The following ADAMTS6 variants were observed in gnomAD, a reference collection of about 807,000 sequenced individuals.
ADAMTS6 encodes the protein ADAM metallopeptidase with thrombospondin type 1 motif 6, also known as A disintegrin and metalloproteinase with thrombospondin motifs 6.
ADAMTS6 carries 23 observed loss-of-function variants against 144.3 expected under a neutral mutation model. That is an observed-to-expected ratio of 0.16 (90% CI 0.11 to 0.23). ADAMTS6 has a LOEUF of 0.23. ADAMTS6 is among the 10% of genes least tolerant of loss of function. The pLI is 1.00. For synonymous variants in ADAMTS6, 444 were observed against 457.5 expected (o/e 0.97, Z 0.38); for missense variants, 999 against 1,379.6 (o/e 0.72, Z 4.37).
chr5:65,186,375 T>A (rs1256883797), intron 22 of ADAMTS6, among the ~76,000 whole-genome samples: 3 of 152,234 alleles, frequency 2.0e-5, no homozygotes, highest in African/African-American at 7.2e-5. Flanking sequence ...GTTTCATGGG[T>A]ATTTTTCATT....
At chr5:65,380,473 G>T (rs1051135317) in intron 7 of ADAMTS6, among the ~76,000 whole-genome samples, 3 of 152,064 alleles carry the variant, frequency 2.0e-5, no homozygotes, top group African/African-American at 7.2e-5. Context: ...CTACTTGGGA[G>T]GCTGAGGCAG....
intron 7 of ADAMTS6, among the ~76,000 whole-genome samples, chr5:65,352,282 C>A (rs1748927381): frequency 6.6e-6 from 1 of 151,408 alleles, no homozygotes; most frequent in African/African-American, 2.4e-5. Context: ...AGAGTCCGTT[C>A]TTTAAATCAG....
At chr5:65,432,941 T>C (rs1267732654) in intron 7 of ADAMTS6, among the ~76,000 whole-genome samples, 1 of 152,162 alleles carries the variant, frequency 6.6e-6, no homozygotes, top group Non-Finnish European at 1.5e-5. Flanking sequence ...AATCAATTAA[T>C]GAATTTCTAC....
chr5:65,173,431 T>C (rs1468404907), intron 22 of ADAMTS6, among the ~76,000 whole-genome samples: 1 of 152,202 alleles, frequency 6.6e-6, no homozygotes, highest in East Asian at 1.9e-4. Flanking sequence ...GTGAAGCAAG[T>C]TCAGGGTTGA....
chr5:65,321,976 A>G (rs1426938761), intron 9 of ADAMTS6, among the ~76,000 whole-genome samples: 1 of 151,866 alleles, frequency 6.6e-6, no homozygotes, highest in African/African-American at 2.4e-5. Context: ...TCAGCCTCCC[A>G]AAGTGTTGGG....
At chr5:65,229,543 G>A (rs900483898) in intron 15 of ADAMTS6, among the ~76,000 whole-genome samples, 1 of 152,060 alleles carries the variant, frequency 6.6e-6, no homozygotes, top group African/African-American at 2.4e-5. Flanking sequence ...AGAGAACACA[G>A]ACAACTTAAT....
chr5:65,473,928 T>A lies in ADAMTS6; in HGVS notation c.-255A>T, dbSNP rs1760655789. ...TAAGCAAAGCATTAGGCTGATTAGT[T>A]ACTAAAGTATGGCCATTTTTTAACC... is the stretch of plus-strand genomic sequence containing the variant. On this transcript the variant is annotated 5_prime_UTR_variant, in exon 2 of 25. Coordinates refer to ENST00000381055, the MANE Select transcript of ADAMTS6 (RefSeq NM_197941.4). 2.2e-6 allele frequency: 1 copy of A among 445,222 alleles called. No individual in the cohort carries two copies. Among genetic ancestry groups the A allele is most frequent in the South Asian group, 6.8e-5 (1 of 14,720 alleles). The allele number at this position is 445,222 out of a possible 1,614,324, so 27.6% of individuals were successfully genotyped here. A position where few individuals can be genotyped will look rare whatever the true frequency, so the allele number is the denominator to read the frequency against.
chr5:65,396,876 G>A (rs1401518249), intron 7 of ADAMTS6, among the ~76,000 whole-genome samples: 1 of 152,202 alleles, frequency 6.6e-6, no homozygotes, highest in Admixed American at 6.5e-5. Flanking sequence ...AAAGCATTCT[G>A]TCTGCTTCTA....
intron 7 of ADAMTS6, among the ~76,000 whole-genome samples, chr5:65,410,891 G>C (rs1754992387): frequency 6.6e-6 from 1 of 152,190 alleles, no homozygotes; most frequent in Non-Finnish European, 1.5e-5. Flanking sequence ...AGGCTAGAGG[G>C]CAGTGGTGCA....
At chr5:65,400,229 G>A (rs1239079581) in intron 7 of ADAMTS6, among the ~76,000 whole-genome samples, 1 of 151,838 alleles carries the variant, frequency 6.6e-6, no homozygotes, top group African/African-American at 2.4e-5. Flanking sequence ...TAGAGATAGG[G>A]TCTCACTCTG....
chr5:65,348,768 T>C (rs1748579633), intron 7 of ADAMTS6, among the ~76,000 whole-genome samples: 1 of 151,964 alleles, frequency 6.6e-6, no homozygotes, highest in African/African-American at 2.4e-5. Flanking sequence ...CATAAATATA[T>C]ACAATTATTG....
intron 7 of ADAMTS6, among the ~76,000 whole-genome samples, chr5:65,374,791 T>C (rs1286245917): frequency 1.3e-5 from 2 of 152,108 alleles, no homozygotes; most frequent in East Asian, 1.9e-4. Context: ...AAAAAGAGCC[T>C]GCATCGCCAT....
chr5:65,329,815 G>A (rs1434463462), intron 8 of ADAMTS6, among the ~76,000 whole-genome samples: 2 of 152,038 alleles, frequency 1.3e-5, no homozygotes, highest in African/African-American at 2.4e-5. Flanking sequence ...ACATTCTTCA[G>A]GCTGTAGAAA....
At chr5:65,369,337 T>C (rs531341086) in intron 7 of ADAMTS6, among the ~76,000 whole-genome samples, 2 of 152,358 alleles carry the variant, frequency 1.3e-5, no homozygotes, top group South Asian at 2.1e-4. Flanking sequence ...GAGTAGACTA[T>C]AGACATTATT....
intron 15 of ADAMTS6, among the ~76,000 whole-genome samples, chr5:65,239,122 T>TAGGGGG (rs1758934672): frequency 6.7e-6 from 1 of 149,698 alleles, no homozygotes; most frequent in African/African-American, 2.5e-5. Context: ...TGTTGTGGGG[T>TAGGGGG]AGGGGGAGGG....
chr5:65,292,312 G>A (rs1398534972), intron 10 of ADAMTS6, among the ~76,000 whole-genome samples: 1 of 150,902 alleles, frequency 6.6e-6, no homozygotes, highest in Non-Finnish European at 1.5e-5. Flanking sequence ...GAGTAAGTTA[G>A]AATTTTTAAA....
chr5:65,362,521 CTGTT>C (rs535116042), intron 7 of ADAMTS6, among the ~76,000 whole-genome samples: 143 of 152,304 alleles, frequency 9.4e-4, no homozygotes, highest in African/African-American at 3.2e-3. Context: ...TTCTCTGAGA[CTGTT>C]TCTTAAAAAA....
At chr5:65,316,467 T>A (rs1745007990) in intron 9 of ADAMTS6, among the ~76,000 whole-genome samples, 2 of 152,102 alleles carry the variant, frequency 1.3e-5, no homozygotes, top group Non-Finnish European at 2.9e-5. Flanking sequence ...AGCAATATTA[T>A]CAACTAAAAC....
intron 9 of ADAMTS6, among the ~76,000 whole-genome samples, chr5:65,301,904 C>CA (rs1281435524): frequency 1.3e-5 from 2 of 151,612 alleles, no homozygotes. Flanking sequence ...GCCTAGCCAA[C>CA]ATGGTGAAAC....
Sources: allele counts gnomAD v4.1 joint callset (sites outside exome capture counted in the v4.1 genomes callset), GRCh38; gene constraint gnomAD v4.1.1; transcripts MANE v1.5; gene names NCBI Gene and HGNC (gene_info 2026-07-23, HGNC 2026-07-21).